Variants in FOXB2 observed in about 807,000 individuals in gnomAD.
FOXB2 encodes the protein forkhead box B2, also known as forkhead box protein B2.
In FOXB2, 1 loss-of-function variant was observed where a neutral mutation model predicts 0.9. The observed-to-expected ratio is 1.09, with a 90% CI of 0.39 to 5.18. The LOEUF (loss-of-function observed/expected upper bound fraction) is 5.18. Ranked by LOEUF, FOXB2 falls within the 30% of genes most tolerant of loss-of-function variation. FOXB2 has a pLI of 0.16. For missense variants in FOXB2, 670 were observed against 626.6 expected (o/e 1.07, Z -0.74); for synonymous variants, 322 against 293.5 (o/e 1.10, Z -0.99).
rs764601545 is a variant in FOXB2, at chr9:77,020,065, C to G, written c.411C>G (p.His137Gln). The G allele has an allele frequency of 1.3e-6, 2 of 1,576,936 alleles. No individual in the cohort carries two copies. The highest frequency in any genetic ancestry group is 1.1e-5 in the South Asian group (1 of 87,202). ...GCGCCGGTCCGGGAGGGCACCTTCA[C>G]CCCCATCACCACCACCACCCCCACC... is the stretch of plus-strand genomic sequence containing the variant. ...APGAGPGGHL[H>Q]PHHHHHPHHH... The change falls in exon 1 of 1, where the codon CAC (histidine) becomes CAG (glutamine). Residue 137 changes from histidine (H) to glutamine (Q), a missense_variant. Transcript: ENST00000376708. This position sits in a 1 kb window ranked among gnomAD's most constrained non-coding sequence, Gnocchi z 4.9.
chr9:77,020,373 G>C lies in FOXB2; in HGVS notation c.719G>C (p.Arg240Pro), dbSNP rs1437260125. ...AAAAAVGSVG[R>P]LSQFPPYGLG... ...GCAGCCGCGGTGGGCAGCGTGGGAC[G>C]CCTGTCTCAGTTCCCACCCTACGGG... is the stretch of plus-strand genomic sequence containing the variant. Residue 240 changes from arginine (R) to proline (P), a missense_variant, in exon 1 of 1, where the codon CGC (arginine) becomes CCC (proline). By Grantham distance (103) the Arg-to-Pro change is moderately radical. Coordinates refer to ENST00000376708, the MANE Select transcript of FOXB2 (RefSeq NM_001013735.1). The surrounding 1 kb of genome is among the most constrained non-coding windows in gnomAD (Gnocchi z 4.9). The C allele has an allele frequency of 6.9e-7, 1 of 1,442,710 alleles. No homozygotes were observed. Among genetic ancestry groups the C allele is most frequent in the Admixed American group, 2.9e-5 (1 of 34,354 alleles). The allele number at this position is 1,442,710 out of a possible 1,614,324, so 89.4% of individuals were successfully genotyped here.
In FOXB2 at chr9:77,020,313, C is replaced by T; in HGVS notation, c.659C>T (p.Ala220Val). ...TCTCACCCCGGCAAGATGCAGGAGGCGGCGGCCGTGGCGGCGGCGGCGGCG... is the reference window on the plus strand; with the variant it reads ...TCTCACCCCGGCAAGATGCAGGAGGTGGCGGCCGTGGCGGCGGCGGCGGCG... ...QPSHPGKMQEAAAVAAAAAAA... is the reference protein window; with the variant it reads ...QPSHPGKMQEVAAVAAAAAAA... Residue 220 changes from alanine to valine, a missense_variant, in exon 1 of 1, where the codon GCG (alanine) becomes GTG (valine). Transcript: ENST00000376708. This position sits in a 1 kb window ranked among gnomAD's most constrained non-coding sequence, Gnocchi z 4.9. 1.7e-6 allele frequency: 2 copies of T among 1,208,160 alleles called. No homozygotes were observed. The highest frequency in any genetic ancestry group is 2.1e-6 in the Non-Finnish European group (2 of 962,904). 74.8% of individuals were successfully genotyped at this position (1,208,160 alleles called of 1,614,324 possible).
Position 77,019,743 on chromosome 9 carries a change from C to A in FOXB2, c.89C>A (p.Ala30Asp), listed in dbSNP as rs1218748241. The A allele has an allele frequency of 3.1e-6, 5 of 1,613,970 alleles. No individual in the cohort carries two copies. In the African/African-American group the frequency reaches 6.7e-5, roughly 22 times the overall value. Residue 30 changes from alanine to aspartate, a missense_variant, in exon 1 of 1, where the codon GCC (alanine) becomes GAC (aspartate). Physicochemically the swap from Ala to Asp is moderately radical, Grantham distance 126. Transcript: ENST00000376708. The surrounding 1 kb of genome is among the most constrained non-coding windows in gnomAD (Gnocchi z 4.4). ...ACCGCCATGGCAATCCAGCACTCGG[C>A]CGAGAAGATGCTGCCGCTGAGCGAC... ...SLTAMAIQHS[A>D]EKMLPLSDIY...
Position 77,020,615 on chromosome 9 carries a change from G to C in FOXB2, c.961G>C (p.Asp321His). 6.2e-7 allele frequency: 1 copy of C among 1,602,222 alleles called. No individual in the cohort carries two copies. Among genetic ancestry groups the C allele is most frequent in the Non-Finnish European group, 8.5e-7 (1 of 1,176,410 alleles). Residue 321 changes from aspartate (D) to histidine (H), a missense_variant, in exon 1 of 1, where the codon GAT becomes CAT. Physicochemically the swap from Asp to His is moderately conservative, Grantham distance 81 (BLOSUM62 -1). Coordinates refer to ENST00000376708, the MANE Select transcript of FOXB2 (RefSeq NM_001013735.1). This position sits in a 1 kb window ranked among gnomAD's most constrained non-coding sequence, Gnocchi z 4.9. ...SSVWPHVGVMDSVAAAAAAAA... is the reference protein window; with the variant it reads ...SSVWPHVGVMHSVAAAAAAAA... ...CGTGTGGCCGCACGTTGGCGTCATG[G>C]ATTCGGTGGCCGCCGCCGCGGCCGC...
chr9:77,020,435 G>GCGTCCACGT lies in FOXB2; in HGVS notation c.783_791dup (p.Ser262_Ser264dup), dbSNP rs1564571751. 6.3e-7 allele frequency: 1 copy of GCGTCCACGT among 1,592,366 alleles called. No individual in the cohort carries two copies. Among genetic ancestry groups the GCGTCCACGT allele is most frequent in the Non-Finnish European group, 8.5e-7 (1 of 1,171,674 alleles). ...CGCCGCCGCTGCCGCCGCGGCCGCG[G>GCGTCCACGT]CGTCCACGTCAGGCTTCAAGCACCC... is the stretch of plus-strand genomic sequence containing the variant. On this transcript the variant is annotated inframe_insertion, in exon 1 of 1. Transcript: ENST00000376708. This position sits in a 1 kb window ranked among gnomAD's most constrained non-coding sequence, Gnocchi z 4.9.
chr9:77,019,789 G>C lies in FOXB2; in HGVS notation c.135G>C (p.Glu45Asp). The C allele has an allele frequency of 6.2e-7, 1 of 1,614,130 alleles. No individual in the cohort carries two copies. The highest frequency in any genetic ancestry group is 1.3e-5 in the African/African-American group (1 of 75,036). Residue 45 changes from glutamate to aspartate, a missense_variant, in exon 1 of 1, where the codon GAG becomes GAC. By Grantham distance (45) the Glu-to-Asp change is conservative. Transcript: ENST00000376708. This position sits in a 1 kb window ranked among gnomAD's most constrained non-coding sequence, Gnocchi z 4.4. The stretch of plus-strand genomic sequence containing the variant: ...GCGACATCTACAAGTTCATCATGGA[G>C]CGCTTCCCCTACTACCGCGAGCACA... Reference protein sequence around the residue: ...PLSDIYKFIMERFPYYREHTQ... With the variant: ...PLSDIYKFIMDRFPYYREHTQ...
In FOXB2 at chr9:77,020,341, GGCCGCGGCA is replaced by G. The variant is rs765866854; in HGVS notation, c.695_703del (p.Ala232_Ala234del). 4 of 1,215,010 alleles carry G rather than the reference GGCCGCGGCA, an allele frequency of 3.3e-6. No homozygotes were observed. Among genetic ancestry groups the G allele is most frequent in the South Asian group, 7.5e-5 (2 of 26,560 alleles). 75.3% of individuals were successfully genotyped at this position (1,215,010 alleles called of 1,614,324 possible). ...CGGCCGTGGCGGCGGCGGCGGCGGC[GGCCGCGGCA>G]GCCGCGGTGGGCAGCGTGGGACGCC... On this transcript the variant is annotated inframe_deletion, in exon 1 of 1. Coordinates refer to ENST00000376708, the MANE Select transcript of FOXB2 (RefSeq NM_001013735.1). The surrounding 1 kb of genome is among the most constrained non-coding windows in gnomAD (Gnocchi z 4.9).
chr9:77,020,757 C>T lies in FOXB2; in HGVS notation c.1103C>T (p.Pro368Leu), dbSNP rs2063915326. ...SLPAMPVPIK[P>L]TPALPPVSAL... ...CCTGCCATGCCGGTGCCCATCAAGC[C>T]CACGCCTGCGCTGCCGCCCGTGTCC... The change falls in exon 1 of 1, where the codon CCC (proline) becomes CTC (leucine). Residue 368 changes from proline (P) to leucine (L), a missense_variant. Physicochemically the swap from Pro to Leu is moderately conservative, Grantham distance 98 (BLOSUM62 -3). Coordinates refer to ENST00000376708, the MANE Select transcript of FOXB2 (RefSeq NM_001013735.1). The surrounding 1 kb of genome is among the most constrained non-coding windows in gnomAD (Gnocchi z 4.9). The T allele has an allele frequency of 6.3e-7, 1 of 1,593,858 alleles. No individual in the cohort carries two copies. The highest frequency in any genetic ancestry group is 8.5e-7 in the Non-Finnish European group (1 of 1,173,804).
Position 77,020,653 on chromosome 9 carries a change from C to T in FOXB2, c.999C>T (p.Ala333=), listed in dbSNP as rs1021710427. 3 of 1,601,802 alleles carry T rather than the reference C, an allele frequency of 1.9e-6. No individual in the cohort carries two copies. Among genetic ancestry groups the T allele is most frequent in the African/African-American group, 2.7e-5 (2 of 74,466 alleles). The part of the protein sequence containing the change: ...VAAAAAAAAA[A]GVPVGPEYGA... The stretch of plus-strand genomic sequence containing the variant: ...CCGCCGCGGCCGCCGCAGCCGCAGC[C>T]GGAGTCCCTGTAGGCCCGGAGTATG... Residue 333 remains alanine (A), a synonymous_variant, in exon 1 of 1, where the codon GCC becomes GCT. Transcript: ENST00000376708. This position sits in a 1 kb window ranked among gnomAD's most constrained non-coding sequence, Gnocchi z 4.9.
At position 77,019,677 on chromosome 9, in the gene FOXB2, C is replaced by T; in HGVS notation, c.23C>T (p.Ser8Leu). 1 of 1,592,012 alleles carries T rather than the reference C, an allele frequency of 6.3e-7. No individual in the cohort carries two copies. Among genetic ancestry groups the T allele is most frequent in the South Asian group, 1.1e-5 (1 of 88,432 alleles). ...GCGATGCCGCGGCCGGGGAAGAGCT[C>T]GTACAGCGACCAAAAACCGCCCTAC... MPRPGKS[S>L]YSDQKPPYSY... Residue 8 changes from serine to leucine, a missense_variant, in exon 1 of 1, where the codon TCG becomes TTG. Ser to Leu is a moderately radical substitution (Grantham distance 145). Coordinates refer to ENST00000376708, the MANE Select transcript of FOXB2 (RefSeq NM_001013735.1). The surrounding 1 kb of genome is among the most constrained non-coding windows in gnomAD (Gnocchi z 4.4).
In FOXB2 at chr9:77,020,641, C is replaced by T. The variant is rs770156728; in HGVS notation, c.987C>T (p.Ala329=). ...VMDSVAAAAA[A]AAAAGVPVGP... The stretch of plus-strand genomic sequence containing the variant: ...ATTCGGTGGCCGCCGCCGCGGCCGC[C>T]GCAGCCGCAGCCGGAGTCCCTGTAG... The change falls in exon 1 of 1, where the codon GCC becomes GCT. Residue 329 remains alanine, a synonymous_variant. Coordinates refer to ENST00000376708, the MANE Select transcript of FOXB2 (RefSeq NM_001013735.1). This position sits in a 1 kb window ranked among gnomAD's most constrained non-coding sequence, Gnocchi z 4.9. 3.8e-6 allele frequency: 6 copies of T among 1,597,150 alleles called. No homozygotes were observed. In the African/African-American group the frequency reaches 8.1e-5, roughly 21 times the overall value.
rs1272364130 is a variant in FOXB2, at chr9:77,020,655, G to T, written c.1001G>T (p.Gly334Val). Residue 334 changes from glycine (G) to valine (V), a missense_variant, in exon 1 of 1, where the codon GGA becomes GTA. Gly to Val is a moderately radical substitution (Grantham distance 109). Coordinates refer to ENST00000376708, the MANE Select transcript of FOXB2 (RefSeq NM_001013735.1). This position sits in a 1 kb window ranked among gnomAD's most constrained non-coding sequence, Gnocchi z 4.9. The stretch of plus-strand genomic sequence containing the variant: ...GCCGCGGCCGCCGCAGCCGCAGCCG[G>T]AGTCCCTGTAGGCCCGGAGTATGGG... ...AAAAAAAAAA[G>V]VPVGPEYGAF... 6.2e-7 allele frequency: 1 copy of T among 1,602,638 alleles called. No homozygotes were observed. The highest frequency in any genetic ancestry group is 2.3e-5 in the East Asian group (1 of 44,358).
chr9:77,020,736 C>T lies in FOXB2; in HGVS notation c.1082C>T (p.Ala361Val). Reference protein sequence around the residue: ...LCHSASQSLPAMPVPIKPTPA... With the variant: ...LCHSASQSLPVMPVPIKPTPA... ...CACTCGGCAAGCCAGAGCCTGCCTG[C>T]CATGCCGGTGCCCATCAAGCCCACG... Residue 361 changes from alanine to valine, a missense_variant, in exon 1 of 1, where the codon GCC becomes GTC. Ala to Val is a moderately conservative substitution (Grantham distance 64, BLOSUM62 0). Coordinates refer to ENST00000376708, the MANE Select transcript of FOXB2 (RefSeq NM_001013735.1). The surrounding 1 kb of genome is among the most constrained non-coding windows in gnomAD (Gnocchi z 4.9). 1.3e-6 allele frequency: 2 copies of T among 1,596,502 alleles called. No homozygotes were observed. Among genetic ancestry groups the T allele is most frequent in the South Asian group, 1.1e-5 (1 of 89,238 alleles).
At position 77,019,809 on chromosome 9, in the gene FOXB2, A is replaced by T. The variant is rs750026660; in HGVS notation, c.155A>T (p.Glu52Val). Residue 52 changes from glutamate (E) to valine (V), a missense_variant, in exon 1 of 1, where the codon GAG becomes GTG. Coordinates refer to ENST00000376708, the MANE Select transcript of FOXB2 (RefSeq NM_001013735.1). The surrounding 1 kb of genome is among the most constrained non-coding windows in gnomAD (Gnocchi z 4.4). Reference sequence around the variant, plus strand: ...ATGGAGCGCTTCCCCTACTACCGCGAGCACACACAGCGCTGGCAGAACAGC... The same window carrying T: ...ATGGAGCGCTTCCCCTACTACCGCGTGCACACACAGCGCTGGCAGAACAGC... ...FIMERFPYYR[E>V]HTQRWQNSLR... The T allele has an allele frequency of 6.2e-7, 1 of 1,614,086 alleles. No homozygotes were observed. The highest frequency in any genetic ancestry group is 8.5e-7 in the Non-Finnish European group (1 of 1,180,022).
In FOXB2 at chr9:77,019,900, CA is replaced by C; in HGVS notation, c.248del (p.Lys83ArgfsTer255). On this transcript the variant is annotated frameshift_variant, in exon 1 of 1. Coordinates refer to ENST00000376708, the MANE Select transcript of FOXB2 (RefSeq NM_001013735.1). LOFTEE classifies it low-confidence loss of function (END_TRUNC). The surrounding 1 kb of genome is among the most constrained non-coding windows in gnomAD (Gnocchi z 4.4). ...KIPRRPDQPG[K>X]GSFWALHPDC... ...TTCCGCGGAGGCCCGACCAGCCTGG[CA>C]AGGGTAGCTTCTGGGCGCTGCACCC... 6.2e-7 allele frequency: 1 copy of C among 1,613,862 alleles called. No individual in the cohort carries two copies. The highest frequency in any genetic ancestry group is 8.5e-7 in the Non-Finnish European group (1 of 1,180,024).
Position 77,020,636 on chromosome 9 carries a change from G to A in FOXB2, c.982G>A (p.Ala328Thr). The change falls in exon 1 of 1, where the codon GCC becomes ACC. Residue 328 changes from alanine to threonine, a missense_variant. Ala to Thr is a moderately conservative substitution (Grantham distance 58). Coordinates refer to ENST00000376708, the MANE Select transcript of FOXB2 (RefSeq NM_001013735.1). The surrounding 1 kb of genome is among the most constrained non-coding windows in gnomAD (Gnocchi z 4.9). ...GVMDSVAAAAAAAAAAGVPVG... is the reference protein window; with the variant it reads ...GVMDSVAAAATAAAAAGVPVG... ...CATGGATTCGGTGGCCGCCGCCGCG[G>A]CCGCCGCAGCCGCAGCCGGAGTCCC... 1 of 1,591,186 alleles carries A rather than the reference G, an allele frequency of 6.3e-7. No homozygotes were observed.
Position 77,020,937 on chromosome 9 carries a change from T to A in FOXB2, c.1283T>A (p.Val428Glu). The A allele has an allele frequency of 6.3e-7, 1 of 1,574,876 alleles. No individual in the cohort carries two copies. Among genetic ancestry groups the A allele is most frequent in the South Asian group, 1.1e-5 (1 of 87,370 alleles). Residue 428 changes from valine (V) to glutamate (E), a missense_variant, in exon 1 of 1, where the codon GTG becomes GAG. Val to Glu is a moderately radical substitution (Grantham distance 121). Transcript: ENST00000376708. This position sits in a 1 kb window ranked among gnomAD's most constrained non-coding sequence, Gnocchi z 4.9. ...AESKGGSLHSVLVHS is the reference protein window; with the variant it reads ...AESKGGSLHSELVHS ...AGCAAGGGCGGCTCCTTGCACTCGG[T>A]GCTAGTGCACTCCTAGGGGACCCGG...
Position 77,020,579 on chromosome 9 carries a change from G to T in FOXB2, c.925G>T (p.Val309Phe), listed in dbSNP as rs1375371962. ...CCCCGTGCCCGGCCAGCTTGGCAACGTCGTCAGCTCCGTGTGGCCGCACGT... is the reference window on the plus strand; with the variant it reads ...CCCCGTGCCCGGCCAGCTTGGCAACTTCGTCAGCTCCGTGTGGCCGCACGT... ...GYPVPGQLGNVVSSVWPHVGV... is the reference protein window; with the variant it reads ...GYPVPGQLGNFVSSVWPHVGV... The change falls in exon 1 of 1, where the codon GTC becomes TTC. Residue 309 changes from valine to phenylalanine, a missense_variant. Val to Phe is a conservative substitution (Grantham distance 50, BLOSUM62 -1). Coordinates refer to ENST00000376708, the MANE Select transcript of FOXB2 (RefSeq NM_001013735.1). This position sits in a 1 kb window ranked among gnomAD's most constrained non-coding sequence, Gnocchi z 4.9. 6.8e-6 allele frequency: 11 copies of T among 1,609,568 alleles called. No homozygotes were observed. Among genetic ancestry groups the T allele is most frequent in the South Asian group, 5.5e-5 (5 of 90,970 alleles).
chr9:77,020,324 GC>G lies in FOXB2; in HGVS notation c.671del (p.Ala224GlyfsTer114). ...CAAGATGCAGGAGGCGGCGGCCGTG[GC>G]GGCGGCGGCGGCGGCGGCCGCGGCA... The part of the protein sequence containing the change: ...PGKMQEAAAV[A>X]AAAAAAAAAA... On this transcript the variant is annotated frameshift_variant, in exon 1 of 1. Coordinates refer to ENST00000376708, the MANE Select transcript of FOXB2 (RefSeq NM_001013735.1). LOFTEE classifies it low-confidence loss of function (END_TRUNC). The surrounding 1 kb of genome is among the most constrained non-coding windows in gnomAD (Gnocchi z 4.9). 9.1e-7 allele frequency: 1 copy of G among 1,104,206 alleles called. No homozygotes were observed. The highest frequency in any genetic ancestry group is 1.1e-6 in the Non-Finnish European group (1 of 883,018). 68.4% of individuals were successfully genotyped at this position (1,104,206 alleles called of 1,614,324 possible).
Sources: allele counts gnomAD v4.1 joint callset, GRCh38; gene constraint gnomAD v4.1.1; non-coding constraint Gnocchi (gnomAD v3.1); transcripts MANE v1.5; gene names NCBI Gene and HGNC (gene_info 2026-07-23, HGNC 2026-07-21).